The following NDEL1 variants were observed in gnomAD, a reference collection of about 807,000 sequenced individuals.
NDEL1 encodes the protein nudE neurodevelopment protein 1 like 1.
NDEL1 carries 9 observed loss-of-function variants against 45.7 expected under a neutral mutation model. The ratio of observed to expected loss-of-function variants is 0.20; its 90% CI spans 0.12 to 0.34. The LOEUF (loss-of-function observed/expected upper bound fraction) is 0.34. Among genes scored for constraint, NDEL1 ranks in the 10% least tolerant of loss-of-function variants. The pLI, the probability that NDEL1 is intolerant of heterozygous loss-of-function variation, is 1.00. For synonymous variants in NDEL1, 133 were observed against 158.6 expected (o/e 0.84, Z 1.21); for missense variants, 306 against 406.2 (o/e 0.75, Z 2.12).
intron 1 of NDEL1, among the ~76,000 whole-genome samples, chr17:8,442,033 C>CT (rs1281730147): frequency 1.3e-5 from 2 of 152,116 alleles, no homozygotes. Flanking sequence ...GGTTTTCTTA[C>CT]TTGTCAGATG....
intron 1 of NDEL1, chr17:8,436,381 G>A (rs1311159051): frequency 1.3e-5 from 2 of 155,788 alleles, no homozygotes; most frequent in Non-Finnish European, 2.9e-5. Flanking sequence ...GCGGCGCAAG[G>A]AGTGGCCCAG....
chr17:8,433,707 T>C (rs1909074704), upstream of NDEL1, among the ~76,000 whole-genome samples: 1 of 152,156 alleles, frequency 6.6e-6, no homozygotes, highest in Non-Finnish European at 1.5e-5. Context: ...TAGAGACAGG[T>C]GTCTCACTGT....
chr17:8,435,867 G>C (rs1453128662), upstream of NDEL1: 1 of 447,268 alleles, frequency 2.2e-6, no homozygotes, highest in African/African-American at 2.1e-5. Context: ...TCACAGAATG[G>C]CCTCGGACAC....
intron 7 of NDEL1, among the ~76,000 whole-genome samples, chr17:8,459,055 G>A (rs1374243044): frequency 6.6e-6 from 1 of 152,134 alleles, no homozygotes; most frequent in Non-Finnish European, 1.5e-5. Context: ...CTGAATAGCT[G>A]TTATTGAAAT....
chr17:8,432,374 A>ATATATAAATATATATATATATATATTAT (rs1296941391), upstream of NDEL1, among the ~76,000 whole-genome samples: 1 of 66,708 alleles, frequency 1.5e-5, no homozygotes, highest in South Asian at 4.3e-4. Context: ...ATATATATTT[A>ATATATAAATATATATATATATATATTAT]ATGGCAGGCC....
chr17:8,455,033 C>T (rs1157429874), intron 7 of NDEL1, 146 bp downstream of exon 7: 4 of 741,382 alleles, frequency 5.4e-6, no homozygotes, highest in Non-Finnish European at 9.0e-6. Flanking sequence ...CATTGACTAG[C>T]CAAGTCCAGA....
chr17:8,425,998 C>A (rs1908821156), intron 1 of NDEL1, among the ~76,000 whole-genome samples: 1 of 152,202 alleles, frequency 6.6e-6, no homozygotes, highest in African/African-American at 2.4e-5. Flanking sequence ...CCATGTTACA[C>A]AGGCTGGTTT....
chr17:8,458,548 C>CTGTGTGTG (rs112741158), intron 7 of NDEL1, among the ~76,000 whole-genome samples: 45 of 150,044 alleles, frequency 3.0e-4, no homozygotes, highest in African/African-American at 9.1e-4. Context: ...TCAATTTCTA[C>CTGTGTGTG]TGTGTGTGTG....
intron 1 of NDEL1, among the ~76,000 whole-genome samples, chr17:8,418,881 C>T (rs1442325833): frequency 6.6e-6 from 1 of 151,262 alleles, no homozygotes; most frequent in Admixed American, 6.6e-5. Flanking sequence ...CCAAGTCTCA[C>T]TCTATCACCC....
intron 1 of NDEL1, among the ~76,000 whole-genome samples, chr17:8,428,842 T>A (rs1451457890): frequency 6.6e-5 from 10 of 151,706 alleles, no homozygotes; most frequent in Admixed American, 3.9e-4. Flanking sequence ...CCCGGCTAAT[T>A]TTTTGTATTT....
chr17:8,461,495 C>T (rs1250573044), intron 8 of NDEL1: 1 of 152,242 alleles, frequency 6.6e-6, no homozygotes, highest in African/African-American at 2.4e-5. Flanking sequence ...TCAAGTGATC[C>T]TCCTGCCTCA....
At chr17:8,423,620 G>T (rs569132188) in intron 1 of NDEL1, among the ~76,000 whole-genome samples, 2 of 152,220 alleles carry the variant, frequency 1.3e-5, no homozygotes, top group Admixed American at 6.5e-5. Context: ...GGAGGCGAAG[G>T]TTGCAGTGAG....
At chr17:8,424,784 G>A (rs972480207) in intron 1 of NDEL1, among the ~76,000 whole-genome samples, 2 of 149,686 alleles carry the variant, frequency 1.3e-5, no homozygotes, top group Non-Finnish European at 1.5e-5. Context: ...GATTACAGGC[G>A]TGAGCCACCG....
At chr17:8,450,287 T>TG (rs1457020846) in intron 5 of NDEL1, among the ~76,000 whole-genome samples, 1 of 84,600 alleles carries the variant, frequency 1.2e-5, no homozygotes, top group African/African-American at 4.0e-5. Context: ...AGACTCCGTC[T>TG]CAAAAAAAAA....
At chr17:8,427,976 G>A (rs1908881518) in intron 1 of NDEL1, among the ~76,000 whole-genome samples, 1 of 152,110 alleles carries the variant, frequency 6.6e-6, no homozygotes, top group Non-Finnish European at 1.5e-5. Context: ...GGTTTTAAGG[G>A]CCTTGACAAC....
intron 7 of NDEL1, among the ~76,000 whole-genome samples, chr17:8,456,409 T>C (rs1485591261): frequency 6.6e-6 from 1 of 152,110 alleles, no homozygotes; most frequent in Non-Finnish European, 1.5e-5. Context: ...TAAGCAAAGA[T>C]ATTTTTATTT....
At chr17:8,460,635 AG>A (rs1682344951) in intron 8 of NDEL1, among the ~76,000 whole-genome samples, 1 of 152,238 alleles carries the variant, frequency 6.6e-6, no homozygotes, top group East Asian at 1.9e-4. Context: ...TATAAAGTTA[AG>A]GCTTTTTTGA....
intron 1 of NDEL1, among the ~76,000 whole-genome samples, chr17:8,421,799 C>A (rs1241972671): frequency 6.6e-6 from 1 of 152,124 alleles, no homozygotes; most frequent in Non-Finnish European, 1.5e-5. Flanking sequence ...TTAGTCATTA[C>A]CCTCACCCTC....
At chr17:8,414,814 C>T (rs1205942535) in intron 1 of NDEL1, among the ~76,000 whole-genome samples, 1 of 151,520 alleles carries the variant, frequency 6.6e-6, no homozygotes, top group Non-Finnish European at 1.5e-5. Context: ...GCCACTGTAC[C>T]TTCATTTGCT....
Sources: allele counts gnomAD v4.1 joint callset (sites outside exome capture counted in the v4.1 genomes callset), GRCh38; gene constraint gnomAD v4.1.1; transcripts MANE v1.5; gene names NCBI Gene and HGNC (gene_info 2026-07-23, HGNC 2026-07-21).